Variants in RAD51B observed in about 807,000 individuals in gnomAD.
RAD51B encodes the protein RAD51 paralog B.
Under a neutral mutation model 42.2 loss-of-function variants are expected in RAD51B, and 38 were observed. The ratio of observed to expected loss-of-function variants is 0.90; its 90% CI spans 0.70 to 1.18. The LOEUF is 1.18. Ranked by LOEUF, RAD51B falls within the 50% of genes most tolerant of loss-of-function variation. The pLI is 0.00. For missense variants in RAD51B, 373 were observed against 400.7 expected (o/e 0.93, Z 0.59); for synonymous variants, 154 against 145.2 (o/e 1.06, Z -0.43).
At chr14:67,875,875 A>G (rs1205041059) in intron 5 of RAD51B, among the ~76,000 whole-genome samples, 4 of 152,224 alleles carry the variant, frequency 2.6e-5, no homozygotes, top group Non-Finnish European at 5.9e-5. Flanking sequence ...AAGACCATTG[A>G]CATATTGACA....
At chr14:68,058,799 T>C (rs1264944530) in intron 7 of RAD51B, among the ~76,000 whole-genome samples, 1 of 152,172 alleles carries the variant, frequency 6.6e-6, no homozygotes, top group Non-Finnish European at 1.5e-5. Flanking sequence ...CAAAGAACAG[T>C]GCACATTTAA....
Position 68,659,721 on chromosome 14 carries a change from G to A in RAD51B, c.*11+8865G>A, listed in dbSNP as rs1425916630. Reference sequence around the variant, plus strand: ...GACGCCCTCCCTCTGCCTGGGAAGCGACACATGGACGGCAGCTGCTGGGGC... The same window carrying A: ...GACGCCCTCCCTCTGCCTGGGAAGCAACACATGGACGGCAGCTGCTGGGGC... On this transcript the variant is annotated intron_variant, in intron 11 of 11. Transcript: ENST00000488612. Among the ~76,000 whole-genome samples the A allele has an allele frequency of 3.9e-5, 6 of 152,204 alleles. No homozygotes were observed. The East Asian group carries it at 7.7e-4, about 20-fold the overall frequency.
chr14:68,295,928 A>G (rs1176768365), intron 8 of RAD51B, among the ~76,000 whole-genome samples: 1 of 151,936 alleles, frequency 6.6e-6, no homozygotes, highest in Non-Finnish European at 1.5e-5. Context: ...GTTTGCACAC[A>G]CTTCTGATTT....
intron 10 of RAD51B, among the ~76,000 whole-genome samples, chr14:68,626,286 T>C (rs1892079267): frequency 6.6e-6 from 1 of 152,176 alleles, no homozygotes; most frequent in African/African-American, 2.4e-5. Flanking sequence ...AAAATCCTGA[T>C]AAATAAAGCC....
chr14:68,115,603 G>T (rs2077533391), intron 7 of RAD51B, among the ~76,000 whole-genome samples: 1 of 150,130 alleles, frequency 6.7e-6, no homozygotes. Context: ...GAAGGTCCAG[G>T]CTACTGAAAA....
intron 7 of RAD51B, among the ~76,000 whole-genome samples, chr14:68,020,310 C>G (rs1302488605): frequency 6.6e-6 from 1 of 152,028 alleles, no homozygotes; most frequent in Non-Finnish European, 1.5e-5. Context: ...CAGGGTTTCG[C>G]TATTTGCCCA....
intron 8 of RAD51B, among the ~76,000 whole-genome samples, chr14:68,310,070 A>T (rs2081938400): frequency 6.6e-6 from 1 of 152,210 alleles, no homozygotes. Context: ...GCATGGAAAT[A>T]CTTTCATTGA....
At chr14:68,440,527 C>T (rs1594841855) in intron 9 of RAD51B, among the ~76,000 whole-genome samples, 1 of 152,050 alleles carries the variant, frequency 6.6e-6, no homozygotes, top group Non-Finnish European at 1.5e-5. Flanking sequence ...GGTGGATCAC[C>T]TGAGGTCACG....
intron 7 of RAD51B, among the ~76,000 whole-genome samples, chr14:68,260,367 C>A (rs1297503261): frequency 1.0e-5 from 1 of 98,362 alleles, no homozygotes; most frequent in Non-Finnish European, 2.2e-5. Context: ...GTAATTACCT[C>A]ACAAGTTTCA....
chr14:68,394,823 G>T (rs1425187306), intron 8 of RAD51B, among the ~76,000 whole-genome samples: 2 of 152,326 alleles, frequency 1.3e-5, no homozygotes, highest in East Asian at 1.9e-4. Context: ...TGGGCCAAAA[G>T]AGAAGGCTGT....
chr14:68,439,919 A>G (rs2085244642), intron 9 of RAD51B, among the ~76,000 whole-genome samples: 1 of 152,000 alleles, frequency 6.6e-6, no homozygotes, highest in African/African-American at 2.4e-5. Flanking sequence ...GCAGGCTCCC[A>G]CCCTTTAATT....
At chr14:68,631,834 G>A (rs190153050) in intron 10 of RAD51B, among the ~76,000 whole-genome samples, 10 of 152,250 alleles carry the variant, frequency 6.6e-5, no homozygotes, top group Admixed American at 1.3e-4. Flanking sequence ...CTGTGTGTGC[G>A]CTGCGTGCTG....
At chr14:68,038,233 G>C (rs1378665846) in intron 7 of RAD51B, among the ~76,000 whole-genome samples, 1 of 152,190 alleles carries the variant, frequency 6.6e-6, no homozygotes, top group Non-Finnish European at 1.5e-5. Flanking sequence ...GTTGGTATCG[G>C]CATGTAATGA....
At chr14:68,457,092 T>C (rs2085714962) in intron 9 of RAD51B, among the ~76,000 whole-genome samples, 1 of 151,616 alleles carries the variant, frequency 6.6e-6, no homozygotes, top group Admixed American at 6.6e-5. Flanking sequence ...TTTGTATGTT[T>C]AGTAGAGACA....
chr14:67,834,677 A>G (rs1177172482), intron 3 of RAD51B, among the ~76,000 whole-genome samples: 1 of 152,148 alleles, frequency 6.6e-6, no homozygotes, highest in Non-Finnish European at 1.5e-5. Flanking sequence ...CCTCTTTGGC[A>G]GGAATAGTCA....
chr14:67,819,935 G>A (rs1366331414), intron 1 of RAD51B, 82 bp downstream of exon 1: 1 of 152,188 alleles, frequency 6.6e-6, no homozygotes, highest in Non-Finnish European at 1.5e-5. Flanking sequence ...TAGGCTCGTG[G>A]GTTTCGATAT....
intron 7 of RAD51B, among the ~76,000 whole-genome samples, chr14:68,001,754 G>A (rs2075488162): frequency 6.6e-6 from 1 of 152,076 alleles, no homozygotes. Context: ...GTGTCCCTGT[G>A]TTCTCATCAT....
intron 7 of RAD51B, among the ~76,000 whole-genome samples, chr14:68,164,101 G>A (rs985234520): frequency 6.6e-5 from 10 of 152,134 alleles, no homozygotes; most frequent in Non-Finnish European, 1.5e-4. Flanking sequence ...ATTTTACAGA[G>A]CAGAGATGAC....
intron 7 of RAD51B, among the ~76,000 whole-genome samples, chr14:68,117,944 T>C (rs1045556509): frequency 1.3e-5 from 2 of 152,218 alleles, no homozygotes; most frequent in African/African-American, 4.8e-5. Flanking sequence ...TCACATTGAC[T>C]TAAAGTCGCA....
Sources: allele counts gnomAD v4.1 joint callset (sites outside exome capture counted in the v4.1 genomes callset), GRCh38; gene constraint gnomAD v4.1.1; transcripts MANE v1.5; gene names NCBI Gene and HGNC (gene_info 2026-07-23, HGNC 2026-07-21).